NFKB1: variants seen among roughly 807,000 people sequenced by gnomAD.
The protein encoded by NFKB1 is nuclear factor NF-kappa-B p105 subunit.
A neutral mutation model predicts 105.1 loss-of-function variants in NFKB1; 9 were observed. The ratio of observed to expected loss-of-function variants is 0.09; its 90% confidence interval spans 0.05 to 0.15. The LOEUF (loss-of-function observed/expected upper bound fraction) is 0.15. Among genes scored for constraint, NFKB1 ranks in the 10% least tolerant of loss-of-function variants. The pLI, the probability that NFKB1 is intolerant of heterozygous loss-of-function variation, is 1.00. For missense variants in NFKB1, 830 were observed against 1,203.7 expected (o/e 0.69, Z 4.59); for synonymous variants, 440 against 442.2 (o/e 1.00, Z 0.06).
intron 1 of NFKB1, among the ~76,000 whole-genome samples, chr4:102,520,909 T>G (rs1269436929): frequency 6.6e-6 from 1 of 152,186 alleles, no homozygotes; most frequent in African/African-American, 2.4e-5. Context: ...TCAGGAGAGA[T>G]TTAAATTTTT....
intron 1 of NFKB1, among the ~76,000 whole-genome samples, chr4:102,510,148 A>G (rs1033219074): frequency 6.6e-6 from 1 of 152,046 alleles, no homozygotes; most frequent in Non-Finnish European, 1.5e-5. Flanking sequence ...GAGCATCACC[A>G]TTTCTCTCAC....
chr4:102,596,490 T>C (rs1726628467), intron 14 of NFKB1, among the ~76,000 whole-genome samples, 158 bp downstream of exon 14: 1 of 151,108 alleles, frequency 6.6e-6, no homozygotes, highest in Non-Finnish European at 1.5e-5. Flanking sequence ...TGTCAGATCA[T>C]TTTATTCACA....
At chr4:102,597,050 T>A (rs1388106625) in intron 14 of NFKB1, among the ~76,000 whole-genome samples, 1 of 152,116 alleles carries the variant, frequency 6.6e-6, no homozygotes, top group Non-Finnish European at 1.5e-5. Context: ...TGGAACAAAC[T>A]TTACAAAAAC....
intron 4 of NFKB1, 182 bp from the exon 5 acceptor site, chr4:102,537,676 C>G (rs932106029): frequency 8.8e-5 from 42 of 478,558 alleles, no homozygotes; most frequent in African/African-American, 6.3e-4. Context: ...TCAATTAATA[C>G]CATTTTTCGT....
intron 7 of NFKB1, chr4:102,577,785 G>A (rs931934416): frequency 2.0e-6 from 2 of 984,612 alleles, no homozygotes; most frequent in Non-Finnish European, 2.4e-6. Context: ...CTGTGGTCCA[G>A]CCATTCCGTG....
chr4:102,569,606 C>A (rs1200129550), intron 6 of NFKB1, among the ~76,000 whole-genome samples: 1 of 152,068 alleles, frequency 6.6e-6, no homozygotes, highest in African/African-American at 2.4e-5. Context: ...AGTATAGATT[C>A]ACAAGCAAGA....
intron 5 of NFKB1, among the ~76,000 whole-genome samples, chr4:102,555,340 T>G (rs1245583595): frequency 6.6e-6 from 1 of 152,152 alleles, no homozygotes; most frequent in Non-Finnish European, 1.5e-5. Context: ...TTAACAAATA[T>G]TGATTAAGTA....
At chr4:102,551,347 G>GGTGT (rs199492662) in intron 5 of NFKB1, among the ~76,000 whole-genome samples, 13 of 139,102 alleles carry the variant, frequency 9.3e-5, no homozygotes, top group East Asian at 4.0e-4. Flanking sequence ...ATTCTAAATT[G>GGTGT]GTGTGTGTGT....
intron 5 of NFKB1, among the ~76,000 whole-genome samples, chr4:102,560,419 T>G (rs1444866012): frequency 2.0e-5 from 3 of 152,198 alleles, no homozygotes; most frequent in Non-Finnish European, 4.4e-5. Flanking sequence ...GAGAACTTCT[T>G]AGCTTATTTA....
chr4:102,510,920 A>G (rs539840824), intron 1 of NFKB1: 132 of 1,285,012 alleles, frequency 1.0e-4, no homozygotes, highest in African/African-American at 1.2e-4. Context: ...AGACAGAAGC[A>G]TATCTTGGAG....
intron 15 of NFKB1, 55 bp from the exon 16 acceptor site, chr4:102,600,840 C>G (rs1445522645): frequency 9.6e-7 from 1 of 1,037,976 alleles, no homozygotes; most frequent in Non-Finnish European, 1.5e-6. Context: ...TCTTGGGAAT[C>G]TTTTCTTTTT....
intron 1 of NFKB1, among the ~76,000 whole-genome samples, chr4:102,524,512 G>A (rs996627931): frequency 6.6e-6 from 1 of 152,150 alleles, no homozygotes; most frequent in Non-Finnish European, 1.5e-5. Flanking sequence ...GGAAGACAGC[G>A]TTTCCACAGA....
At chr4:102,593,815 C>G (rs1198292751) in intron 12 of NFKB1, among the ~76,000 whole-genome samples, 1 of 152,008 alleles carries the variant, frequency 6.6e-6, no homozygotes, top group Non-Finnish European at 1.5e-5. Context: ...TTAATGAATA[C>G]CTTCCTAAAG....
chr4:102,519,768 G>T (rs1740445156), intron 1 of NFKB1, among the ~76,000 whole-genome samples: 1 of 152,182 alleles, frequency 6.6e-6, no homozygotes, highest in Non-Finnish European at 1.5e-5. Flanking sequence ...GGTCAGATTA[G>T]CTAGCATTAC....
intron 1 of NFKB1, among the ~76,000 whole-genome samples, chr4:102,523,376 TTTTTGTTAAAG>T (rs1740691859): frequency 6.6e-6 from 1 of 151,994 alleles, no homozygotes; most frequent in Admixed American, 6.6e-5. Flanking sequence ...TGCCCTTTCC[TTTTTGTTAAAG>T]TTGTACACTG....
At chr4:102,596,105 G>T in intron 13 of NFKB1, 33 bp from the exon 14 acceptor site, 1 of 1,448,486 alleles carries the variant, frequency 6.9e-7, no homozygotes, top group Non-Finnish European at 9.3e-7. Context: ...ACATTTTACT[G>T]AGAAAAATCT....
chr4:102,576,193 A>G (rs1022998835), intron 6 of NFKB1, among the ~76,000 whole-genome samples: 1 of 152,212 alleles, frequency 6.6e-6, no homozygotes, highest in Non-Finnish European at 1.5e-5. Flanking sequence ...TACTTAGATG[A>G]CAACTCTAAT....
intron 5 of NFKB1, among the ~76,000 whole-genome samples, chr4:102,562,647 C>T (rs1236053358): frequency 6.6e-6 from 1 of 152,132 alleles, no homozygotes; most frequent in Non-Finnish European, 1.5e-5. Flanking sequence ...TGTATTATTC[C>T]TTTTAACTTT....
intron 18 of NFKB1, 47 bp downstream of exon 18, chr4:102,607,366 T>C: frequency 2.5e-6 from 4 of 1,572,340 alleles, no homozygotes; most frequent in Non-Finnish European, 3.5e-6. Flanking sequence ...CTGAGGGAGA[T>C]TTAAGGAAAT....
Sources: gnomAD v4.1 joint callset for allele counts (sites outside exome capture counted in the v4.1 genomes callset) on GRCh38, gnomAD v4.1.1 for gene constraint, MANE v1.5 for transcripts, NCBI Gene and HGNC (gene_info 2026-07-23, HGNC 2026-07-21) for gene names.